Variants in RBPJ observed in about 807,000 individuals in gnomAD.
The protein encoded by RBPJ is recombination signal binding protein for immunoglobulin kappa J region.
In RBPJ, 9 loss-of-function variants were observed where a neutral mutation model predicts 67.8. The observed-to-expected ratio is 0.13, with a 90% CI of 0.08 to 0.23. RBPJ has a LOEUF of 0.23. Among genes scored for constraint, RBPJ ranks in the 10% least tolerant of loss-of-function variants. The pLI is 1.00. For synonymous variants in RBPJ, 198 were observed against 203.3 expected (o/e 0.97, Z 0.22); for missense variants, 305 against 595.6 (o/e 0.51, Z 5.08).
chr4:26,379,294 C>A (rs1178012504), intron 1 of RBPJ, among the ~76,000 whole-genome samples: 1 of 152,068 alleles, frequency 6.6e-6, no homozygotes, highest in African/African-American at 2.4e-5. Flanking sequence ...ATCCTCCCGC[C>A]TCTCAAGCAG....
In RBPJ at chr4:26,431,036, G is replaced by C. The variant is rs1397211249; in HGVS notation, c.*29G>C. 10 of 1,577,656 alleles carry C rather than the reference G, an allele frequency of 6.3e-6. No homozygotes were observed. The highest frequency in any genetic ancestry group is 6.9e-6 in the Non-Finnish European group (8 of 1,153,602). ...CCGTCTTTTTGCTAGGACTTAAACT[G>C]ACTTGAGTGTGGCAAAAAGTTAACA... On this transcript the variant is annotated 3_prime_UTR_variant, in exon 11 of 11. Coordinates refer to ENST00000355476, the MANE Select transcript of RBPJ (RefSeq NM_015874.6).
chr4:26,285,357 T>TAAC (rs774409983), intron 1 of RBPJ, among the ~76,000 whole-genome samples: 1 of 143,168 alleles, frequency 7.0e-6, no homozygotes, highest in Non-Finnish European at 1.5e-5. Flanking sequence ...TATTAGGGCA[T>TAAC]AACAAGTTAC....
intron 1 of RBPJ, among the ~76,000 whole-genome samples, chr4:26,246,685 C>T (rs1467586602): frequency 6.6e-6 from 1 of 152,154 alleles, no homozygotes; most frequent in Non-Finnish European, 1.5e-5. Flanking sequence ...ATCAGGTTCT[C>T]CCACTGGACT....
At chr4:26,238,874 G>GT (rs1248073628) in intron 1 of RBPJ, among the ~76,000 whole-genome samples, 1 of 152,172 alleles carries the variant, frequency 6.6e-6, no homozygotes, top group Admixed American at 6.5e-5. Flanking sequence ...GGCGGCGGCT[G>GT]TAAGACGCCA....
chr4:26,398,702 C>T (rs562821533), intron 2 of RBPJ, among the ~76,000 whole-genome samples: 1 of 152,300 alleles, frequency 6.6e-6, no homozygotes, highest in Admixed American at 6.5e-5. Flanking sequence ...CAACTTCTGC[C>T]TTCCACGTTC....
chr4:26,294,460 G>A (rs1009669610), intron 1 of RBPJ, among the ~76,000 whole-genome samples: 6 of 152,180 alleles, frequency 3.9e-5, no homozygotes, highest in South Asian at 2.1e-4. Flanking sequence ...TCCAGATGTC[G>A]TGTAGAGAGT....
intron 1 of RBPJ, among the ~76,000 whole-genome samples, chr4:26,363,531 T>C (rs532616602): frequency 5.3e-5 from 8 of 152,316 alleles, no homozygotes; most frequent in African/African-American, 1.9e-4. Context: ...CTCTGCCTCC[T>C]GGGTTCAAGC....
At chr4:26,241,653 A>C (rs1207511607) in intron 1 of RBPJ, among the ~76,000 whole-genome samples, 1 of 151,958 alleles carries the variant, frequency 6.6e-6, no homozygotes, top group Non-Finnish European at 1.5e-5. Flanking sequence ...CTGAGACTAC[A>C]GGCATGCCCC....
chr4:26,415,444 T>C, intron 3 of RBPJ, 31 bp from the exon 4 acceptor site: 1 of 1,526,576 alleles, frequency 6.6e-7, no homozygotes, highest in South Asian at 1.2e-5. Flanking sequence ...TTTTTGCTTC[T>C]TGTTTTTTTT....
At chr4:26,209,021 A>G (rs1217721831) in intron 1 of RBPJ, among the ~76,000 whole-genome samples, 1 of 151,932 alleles carries the variant, frequency 6.6e-6, no homozygotes, top group Non-Finnish European at 1.5e-5. Context: ...GTTTTGTTGC[A>G]GCTAGAACTG....
intron 1 of RBPJ, among the ~76,000 whole-genome samples, chr4:26,236,256 C>T (rs147517550): frequency 6.6e-6 from 1 of 152,306 alleles, no homozygotes; most frequent in East Asian, 1.9e-4. Context: ...AATTTAACCT[C>T]TCTTATAGCT....
chr4:26,173,323 A>G (rs1325336242), intron 1 of RBPJ, among the ~76,000 whole-genome samples: 1 of 151,882 alleles, frequency 6.6e-6, no homozygotes, highest in Non-Finnish European at 1.5e-5. Context: ...TTTAGTGGAG[A>G]TGGGGTTTCA....
intron 4 of RBPJ, among the ~76,000 whole-genome samples, chr4:26,419,240 A>C (rs1341855321): frequency 1.3e-5 from 2 of 152,110 alleles, no homozygotes; most frequent in African/African-American, 4.8e-5. Context: ...TGGCCTCCCA[A>C]AGTGCTGAGA....
chr4:26,390,416 A>G (rs1731383589), intron 2 of RBPJ, among the ~76,000 whole-genome samples: 1 of 152,226 alleles, frequency 6.6e-6, no homozygotes, highest in South Asian at 2.1e-4. Flanking sequence ...AGAAAAAGAA[A>G]TGAAAGACGT....
At chr4:26,339,636 AAAAC>A (rs1427168662) in intron 1 of RBPJ, among the ~76,000 whole-genome samples, 2 of 152,054 alleles carry the variant, frequency 1.3e-5, no homozygotes, top group African/African-American at 2.4e-5. Flanking sequence ...TCTGTTTCAA[AAAAC>A]AAACGAACAA....
chr4:26,299,123 G>A (rs1721984251), intron 1 of RBPJ, among the ~76,000 whole-genome samples: 1 of 152,188 alleles, frequency 6.6e-6, no homozygotes, highest in Non-Finnish European at 1.5e-5. Flanking sequence ...AAATAAAGGA[G>A]TTGGGGTCAG....
intron 1 of RBPJ, among the ~76,000 whole-genome samples, chr4:26,181,894 G>A (rs1441861098): frequency 6.6e-6 from 1 of 152,228 alleles, no homozygotes; most frequent in African/African-American, 2.4e-5. Context: ...GTGAGTGAAT[G>A]TGAAGGCCTA....
chr4:26,124,415 CATATATATATATATATAT>C, the RBPJ span, among the ~76,000 whole-genome samples: 1,982 of 62,434 alleles, frequency 0.032, 83 homozygotes, highest in South Asian at 0.062. Context: ...AGTATTCCAT[CATATATATATATATATAT>C]ATATATATAT....
At chr4:26,127,155 G>C in the RBPJ span, among the ~76,000 whole-genome samples, 3 of 152,176 alleles carry the variant, frequency 2.0e-5, no homozygotes, top group Non-Finnish European at 4.4e-5. Flanking sequence ...TGGCAACTGA[G>C]GGCTGTCTGT....
Sources: gnomAD v4.1 joint callset for allele counts (sites outside exome capture counted in the v4.1 genomes callset) on GRCh38, gnomAD v4.1.1 for gene constraint, MANE v1.5 for transcripts, NCBI Gene and HGNC (gene_info 2026-07-23, HGNC 2026-07-21) for gene names.